AHCTF1: variants seen among roughly 807,000 people sequenced by gnomAD.
AHCTF1 encodes the protein protein ELYS.
Under a neutral mutation model 248.4 loss-of-function variants are expected in AHCTF1, and 24 were observed. That is an observed-to-expected ratio of 0.10 (90% CI 0.07 to 0.14). The LOEUF (loss-of-function observed/expected upper bound fraction) is 0.14. AHCTF1 is among the 10% of genes least tolerant of loss of function. AHCTF1 has a pLI of 1.00. For synonymous variants in AHCTF1, 786 were observed against 929.8 expected, an observed-to-expected ratio of 0.85 and a Z score of 2.81; for missense variants, 2,206 against 2,636.2, an observed-to-expected ratio of 0.84 and a Z score of 3.57.
chr1:246,839,669 A>G lies in AHCTF1; in HGVS notation c.*1137T>C. ...CACTGCATATGCTTCACATTAAAAT[A>G]TTAAAAGCCCACGAAAGCAGTTCGT... is the stretch of plus-strand genomic sequence containing the variant. On this transcript the variant is annotated 3_prime_UTR_variant, in exon 36 of 36. Coordinates refer to ENST00000648844, the MANE Select transcript of AHCTF1 (RefSeq NM_001323342.2). 2 of 613,032 alleles carry G rather than the reference A, an allele frequency of 3.3e-6. No individual in the cohort carries two copies. Among genetic ancestry groups the G allele is most frequent in the Non-Finnish European group, 4.1e-6 (2 of 489,340 alleles). 38.0% of individuals were successfully genotyped at this position (613,032 alleles called of 1,614,324 possible).
chr1:246,901,687 G>A (rs1303500881), intron 8 of AHCTF1, among the ~76,000 whole-genome samples: 1 of 152,084 alleles, frequency 6.6e-6, no homozygotes, highest in African/African-American at 2.4e-5. Flanking sequence ...GTGTGGTGGT[G>A]TGTGCCGGCA....
At chr1:246,929,726 C>T (rs1667191391) in intron 1 of AHCTF1, among the ~76,000 whole-genome samples, 1 of 152,202 alleles carries the variant, frequency 6.6e-6, no homozygotes, top group Non-Finnish European at 1.5e-5. Context: ...TAAAGGTAGG[C>T]GTGAAAGACA....
intron 14 of AHCTF1, among the ~76,000 whole-genome samples, chr1:246,892,300 A>ATTT (rs1664259175): frequency 1.3e-5 from 1 of 76,726 alleles, no homozygotes; most frequent in Non-Finnish European, 2.7e-5. Context: ...AATTTGTTTT[A>ATTT]CTTTTTTTTT....
At chr1:246,930,330 A>T (rs866039551) in intron 1 of AHCTF1, among the ~76,000 whole-genome samples, 5 of 151,874 alleles carry the variant, frequency 3.3e-5, no homozygotes, top group East Asian at 3.9e-4. Flanking sequence ...TGTTTTAAAA[A>T]TTTTTTCAAG....
chr1:246,854,092 G>A (rs1016936617), intron 31 of AHCTF1, among the ~76,000 whole-genome samples: 1 of 152,110 alleles, frequency 6.6e-6, no homozygotes, highest in African/African-American at 2.4e-5. Flanking sequence ...GAGGTCAGGA[G>A]ATCGAGACCA....
At chr1:246,898,651 CACACACACACACAG>C (rs139497693) in intron 11 of AHCTF1, among the ~76,000 whole-genome samples, 2,470 of 124,082 alleles carry the variant, frequency 0.02, 69 homozygotes, top group African/African-American at 0.069. Context: ...CACACACACA[CACACACACACACAG>C]GAAAACTCCT....
intron 1 of AHCTF1, among the ~76,000 whole-genome samples, chr1:246,922,957 T>C (rs1196292453): frequency 8.1e-6 from 1 of 123,410 alleles, no homozygotes; most frequent in Non-Finnish European, 1.6e-5. Context: ...CACTCTAGCC[T>C]GGGCGACAGA....
At chr1:246,921,131 A>T (rs1401585727) in intron 1 of AHCTF1, among the ~76,000 whole-genome samples, 4 of 152,172 alleles carry the variant, frequency 2.6e-5, no homozygotes, top group Non-Finnish European at 4.4e-5. Context: ...AAGCAGCAGA[A>T]AATACACGCA....
chr1:246,874,464 G>C (rs1427369676), intron 24 of AHCTF1, among the ~76,000 whole-genome samples: 1 of 152,104 alleles, frequency 6.6e-6, no homozygotes, highest in Non-Finnish European at 1.5e-5. Context: ...CAGCTAGCTG[G>C]GGGAGCACTT....
chr1:246,891,768 A>C lies in AHCTF1; in HGVS notation c.1945+11T>G. 6.2e-7 allele frequency: 1 copy of C among 1,604,732 alleles called. No homozygotes were observed. The highest frequency in any genetic ancestry group is 8.5e-7 in the Non-Finnish European group (1 of 1,177,868). On this transcript the variant is annotated intron_variant, in intron 15 of 35. Coordinates refer to ENST00000648844, the MANE Select transcript of AHCTF1 (RefSeq NM_001323342.2). ...TAATAAAACACTCATTTGATAAAAC[A>C]AAGAGCGTACCTCTCTCAGTGATCT... is the stretch of plus-strand genomic sequence containing the variant.
At chr1:246,927,809 C>T (rs1243102385) in intron 1 of AHCTF1, among the ~76,000 whole-genome samples, 1 of 151,996 alleles carries the variant, frequency 6.6e-6, no homozygotes, top group Non-Finnish European at 1.5e-5. Flanking sequence ...CCCAGACCAT[C>T]CTGGCCAACA....
At chr1:246,913,641 A>G (rs1056846574) in intron 3 of AHCTF1, among the ~76,000 whole-genome samples, 3 of 152,202 alleles carry the variant, frequency 2.0e-5, no homozygotes, top group African/African-American at 7.2e-5. Context: ...ATTGATGTTG[A>G]CTGAGAGCTT....
At chr1:246,922,770 C>G (rs923653156) in intron 1 of AHCTF1, among the ~76,000 whole-genome samples, 1 of 150,772 alleles carries the variant, frequency 6.6e-6, no homozygotes, top group Non-Finnish European at 1.5e-5. Flanking sequence ...ATCACGAGGT[C>G]AGGAGATCGA....
chr1:246,902,613 C>A lies in AHCTF1; in HGVS notation c.1029G>T (p.Arg343Ser). Residue 343 changes from arginine (R) to serine (S), a missense_variant, in exon 8 of 36, where the codon AGG becomes AGT. By Grantham distance (110) the Arg-to-Ser change is moderately radical. This residue lies in a region of AHCTF1 where 650 missense variants were observed against 870.8 expected (regional missense o/e 0.75). Coordinates refer to ENST00000648844, the MANE Select transcript of AHCTF1 (RefSeq NM_001323342.2). ...LDLTGGMFPL[R>S]GQTSNTKLLG... ...ACAATTTGGTATTACTCGTCTGTCC[C>A]CTCAAAGGGAACATGCCACCTGTCA... 6.2e-7 allele frequency: 1 copy of A among 1,612,938 alleles called. No homozygotes were observed. Among genetic ancestry groups the A allele is most frequent in the Non-Finnish European group, 8.5e-7 (1 of 1,179,804 alleles).
intron 1 of AHCTF1, among the ~76,000 whole-genome samples, chr1:246,925,809 T>C (rs183225743): frequency 4.0e-4 from 61 of 152,078 alleles, no homozygotes; most frequent in Admixed American, 7.2e-4. Flanking sequence ...AAGCCAGGCA[T>C]GGTGGCTCCC....
chr1:246,869,867 A>AAGAT (rs1662446783), intron 24 of AHCTF1, among the ~76,000 whole-genome samples: 1 of 152,230 alleles, frequency 6.6e-6, no homozygotes, highest in African/African-American at 2.4e-5. Flanking sequence ...CGCAATTTTC[A>AAGAT]AGATATAATT....
Position 246,851,006 on chromosome 1 carries a change from G to C in AHCTF1, c.5000C>G (p.Ala1667Gly), listed in dbSNP as rs771083456. 1 of 1,613,878 alleles carries C rather than the reference G, an allele frequency of 6.2e-7. No homozygotes were observed. The highest frequency in any genetic ancestry group is 1.1e-5 in the South Asian group (1 of 91,076). The change falls in exon 33 of 36, where the codon GCA (alanine) becomes GGA (glycine). Residue 1667 changes from alanine to glycine, a missense_variant. Physicochemically the swap from Ala to Gly is moderately conservative, Grantham distance 60 (BLOSUM62 0). Coordinates refer to ENST00000648844, the MANE Select transcript of AHCTF1 (RefSeq NM_001323342.2). ...TACATCTAGTAAATTTTCTGCAATT[G>C]CTACTTTAATAGGTTCAGGCACATA... ...LPYVPEPIKV[A>G]IAENLLDVIK...
chr1:246,890,563 G>A (rs1254962346), intron 16 of AHCTF1, among the ~76,000 whole-genome samples: 2 of 152,000 alleles, frequency 1.3e-5, no homozygotes, highest in East Asian at 1.9e-4. Flanking sequence ...ATAAAAGGGG[G>A]TATTTAATTG....
intron 35 of AHCTF1, among the ~76,000 whole-genome samples, chr1:246,842,207 A>G (rs1046465593): frequency 1.3e-5 from 2 of 152,058 alleles, no homozygotes; most frequent in Non-Finnish European, 2.9e-5. Flanking sequence ...ATGCCCGATA[A>G]TCTTTTCTGA....
Sources: gnomAD v4.1 joint callset for allele counts (sites outside exome capture counted in the v4.1 genomes callset) on GRCh38, gnomAD v4.1.1 for gene constraint, gnomAD v4.1.1 regional missense constraint, MANE v1.5 for transcripts, NCBI Gene and HGNC (gene_info 2026-07-23, HGNC 2026-07-21) for gene names.